Variants in LRPAP1 observed in about 807,000 individuals in gnomAD.
LRPAP1 encodes the protein LDL receptor related protein associated protein 1.
In LRPAP1, 41 loss-of-function variants were observed where a neutral mutation model predicts 39.9. That is an observed-to-expected ratio of 1.03 (90% CI 0.80 to 1.33). LRPAP1 has a LOEUF of 1.33. Among genes scored for constraint, LRPAP1 ranks in the 40% most tolerant of loss-of-function variants. The pLI is 0.00. For synonymous variants in LRPAP1, 263 were observed against 212.7 expected (o/e 1.24, Z -2.06); for missense variants, 565 against 482.3 (o/e 1.17, Z -1.61).
At chr4:3,524,327 GACTC>G (rs1162708656) in intron 2 of LRPAP1, among the ~76,000 whole-genome samples, 8 of 152,246 alleles carry the variant, frequency 5.3e-5, no homozygotes, top group East Asian at 3.8e-4. Context: ...CAGGGACGAG[GACTC>G]ACTAAGCGCA....
At chr4:3,524,828 C>G in intron 2 of LRPAP1, 79 bp downstream of exon 2, 1 of 1,520,736 alleles carries the variant, frequency 6.6e-7, no homozygotes, top group Non-Finnish European at 9.1e-7. Flanking sequence ...AAAACAAAAT[C>G]CGACATCCAA....
chr4:3,522,959 C>T (rs1181264130), intron 2 of LRPAP1, among the ~76,000 whole-genome samples: 1 of 152,134 alleles, frequency 6.6e-6, no homozygotes, highest in African/African-American at 2.4e-5. Flanking sequence ...CCTCGGGGGT[C>T]CAGGGACCAC....
chr4:3,521,144 C>T (rs1435253674), intron 2 of LRPAP1, among the ~76,000 whole-genome samples: 3 of 152,230 alleles, frequency 2.0e-5, no homozygotes, highest in South Asian at 2.1e-4. Context: ...CAACCACACC[C>T]GCCTCCTTAG....
At chr4:3,518,811 A>AGGGGTGGGGGGCAGGAGGGGGT in intron 4 of LRPAP1, 60 bp downstream of exon 4, 1 of 709,030 alleles carries the variant, frequency 1.4e-6, no homozygotes, top group African/African-American at 5.0e-5. Flanking sequence ...CAGGTGCAGG[A>AGGGGTGGGGGGCAGGAGGGGGT]GGGGTGGGGG....
intron 1 of LRPAP1, among the ~76,000 whole-genome samples, chr4:3,526,231 C>A (rs887727890): frequency 1.3e-5 from 2 of 151,896 alleles, no homozygotes; most frequent in African/African-American, 4.8e-5. Context: ...GGTCCCCTTC[C>A]CTGAGCACCT....
chr4:3,524,890 G>A lies in LRPAP1; in HGVS notation c.349+17C>T. 6.2e-7 allele frequency: 1 copy of A among 1,612,324 alleles called. No homozygotes were observed. The highest frequency in any genetic ancestry group is 8.5e-7 in the Non-Finnish European group (1 of 1,178,386). On this transcript the variant is annotated intron_variant, in intron 2 of 7. Transcript: ENST00000650182. ...AAGAGGGATACTCGACCTGCATTAG[G>A]AAAGAAACAAACGTACCATTGAGGT...
At chr4:3,518,845 C>CAGG (rs1484859489) in intron 4 of LRPAP1, 26 bp downstream of exon 4, 1 of 1,143,158 alleles carries the variant, frequency 8.7e-7, no homozygotes, top group Non-Finnish European at 1.1e-6. Flanking sequence ...GGGCAGAGGG[C>CAGG]AGGAGGGGGT....
chr4:3,525,101 A>C (rs775761260), intron 1 of LRPAP1, 50 bp from the exon 2 acceptor site: 15 of 1,607,958 alleles, frequency 9.3e-6, no homozygotes, highest in Non-Finnish European at 1.3e-5. Flanking sequence ...ACGGACCAGG[A>C]CACAGCGAGA....
rs1729495197 is a variant in LRPAP1, at chr4:3,511,164, C to A, written c.*1810G>T. On this transcript the variant is annotated 3_prime_UTR_variant, in exon 8 of 8. Transcript: ENST00000650182. ...GCTGGGAGAAAGAAACACAGTCCAA[C>A]CACTTTGGAATCATCTCTATACTTG... is the stretch of plus-strand genomic sequence containing the variant. The A allele has an allele frequency of 6.6e-6, 1 of 152,248 alleles. No homozygotes were observed. Among genetic ancestry groups the A allele is most frequent in the Non-Finnish European group, 1.5e-5 (1 of 68,050 alleles). 9.4% of individuals were successfully genotyped at this position (152,248 alleles called of 1,614,324 possible). A position where few individuals can be genotyped will look rare whatever the true frequency, so the allele number is the denominator to read the frequency against.
intron 1 of LRPAP1, among the ~76,000 whole-genome samples, chr4:3,530,676 C>T (rs1223038084): frequency 1.3e-5 from 2 of 152,134 alleles, no homozygotes; most frequent in African/African-American, 4.8e-5. Flanking sequence ...AGGGGCAGCC[C>T]GAGGGTAGCT....
At chr4:3,530,231 C>T (rs761109417) in intron 1 of LRPAP1, among the ~76,000 whole-genome samples, 36 of 152,144 alleles carry the variant, frequency 2.4e-4, no homozygotes, top group East Asian at 7.7e-4. Context: ...GATGCACTAC[C>T]GCCACTGAGA....
In LRPAP1 at chr4:3,505,657, G is replaced by T. The variant is rs901450436; in HGVS notation, c.*7317C>A. ...CGTCTATACCAGCTACCCCAAGACCGTCTATACCAGCTACCCCAAGACCGT... is the reference window on the plus strand; with the variant it reads ...CGTCTATACCAGCTACCCCAAGACCTTCTATACCAGCTACCCCAAGACCGT... On this transcript the variant is annotated 3_prime_UTR_variant, in exon 8 of 8. Transcript: ENST00000650182. 6.6e-6 allele frequency among the ~76,000 whole-genome samples: 1 copy of T among 151,998 alleles called. No individual in the cohort carries two copies. Among genetic ancestry groups the T allele is most frequent in the East Asian group, 1.9e-4 (1 of 5,188 alleles).
In LRPAP1 at chr4:3,509,732, CG is replaced by C; in HGVS notation, c.*3241del. On this transcript the variant is annotated 3_prime_UTR_variant, in exon 8 of 8. Coordinates refer to ENST00000650182, the MANE Select transcript of LRPAP1 (RefSeq NM_002337.4). Reference sequence around the variant, plus strand: ...TGGACACTGGAGACTGCTGAGACGCCGACTGGAGTCACACACGGCAGTCAAC... The same window carrying C: ...TGGACACTGGAGACTGCTGAGACGCCACTGGAGTCACACACGGCAGTCAAC... 3.6e-5 allele frequency: 1 copy of C among 27,674 alleles called. No homozygotes were observed. The highest frequency in any genetic ancestry group is 1.5e-4 in the African/African-American group (1 of 6,658). 1.7% of individuals were successfully genotyped at this position (27,674 alleles called of 1,614,324 possible).
intron 6 of LRPAP1, chr4:3,515,803 C>T: frequency 2.4e-6 from 1 of 420,580 alleles, no homozygotes; most frequent in Non-Finnish European, 4.4e-6. Flanking sequence ...TTGGTCCCCT[C>T]CCCCCAGGCT....
chr4:3,523,614 C>A (rs971573023), intron 2 of LRPAP1, among the ~76,000 whole-genome samples: 6 of 152,222 alleles, frequency 3.9e-5, no homozygotes, highest in African/African-American at 1.4e-4. Flanking sequence ...AGACAAATCA[C>A]CCTCTCTGAG....
chr4:3,532,293 G>C lies in LRPAP1; in HGVS notation c.120C>G (p.Asn40Lys). The change falls in exon 1 of 8, where the codon AAC (asparagine) becomes AAG (lysine). Residue 40 changes from asparagine (N) to lysine (K), a missense_variant. Asn to Lys is a moderately conservative substitution (Grantham distance 94). Transcript: ENST00000650182. ...SHGGKYSREK[N>K]QPKPSPKRES... is the part of the protein sequence containing the mutation. ...CGCGTTTCGGGGACGGCTTGGGCTGGTTCTTCTCCCGCGAGTACTTGCCGC... is the reference window on the plus strand; with the variant it reads ...CGCGTTTCGGGGACGGCTTGGGCTGCTTCTTCTCCCGCGAGTACTTGCCGC... 1 of 1,568,054 alleles carries C rather than the reference G, an allele frequency of 6.4e-7. No individual in the cohort carries two copies. The highest frequency in any genetic ancestry group is 8.7e-7 in the Non-Finnish European group (1 of 1,155,888).
chr4:3,524,170 C>T (rs973917931), intron 2 of LRPAP1, among the ~76,000 whole-genome samples: 3 of 152,278 alleles, frequency 2.0e-5, no homozygotes, highest in South Asian at 2.1e-4. Context: ...CCGACGGGCC[C>T]GTGGTGAGGG....
At chr4:3,516,382 C>T (rs1729704903) in intron 5 of LRPAP1, among the ~76,000 whole-genome samples, 184 bp from the exon 6 acceptor site, 1 of 152,268 alleles carries the variant, frequency 6.6e-6, no homozygotes, top group African/African-American at 2.4e-5. Context: ...TGCTCAGTAG[C>T]TCACATGACC....
Position 3,525,335 on chromosome 4 carries a change from C to T in LRPAP1, c.205-284G>A, listed in dbSNP as rs559021439. On this transcript the variant is annotated intron_variant, in intron 1 of 7. Transcript: ENST00000650182. ...ATTCCTGTCCGGCTGTAACAGGACA[C>T]CCCACCCTAGCACCTGAGGACAGTC... 5.3e-5 allele frequency among the ~76,000 whole-genome samples: 8 copies of T among 152,316 alleles called. No homozygotes were observed. The East Asian group carries it at 1.3e-3, about 26-fold the overall frequency.
Sources: allele counts gnomAD v4.1 joint callset (sites outside exome capture counted in the v4.1 genomes callset), GRCh38; gene constraint gnomAD v4.1.1; transcripts MANE v1.5; gene names NCBI Gene and HGNC (gene_info 2026-07-23, HGNC 2026-07-21).